Variants in BRAF observed in about 807,000 individuals in gnomAD.
The protein encoded by BRAF is serine/threonine-protein kinase B-raf.
A neutral mutation model predicts 104.6 loss-of-function variants in BRAF; 16 were observed. The observed-to-expected ratio is 0.15, with a 90% confidence interval of 0.10 to 0.23. The LOEUF (loss-of-function observed/expected upper bound fraction) is 0.23, where lower values mean the gene tolerates loss of function less well. Among genes scored for constraint, BRAF ranks in the 10% least tolerant of loss-of-function variants. BRAF has a pLI of 1.00. For missense variants in BRAF, 541 were observed against 937.3 expected, an observed-to-expected ratio of 0.58 and a Z score of 5.52; for synonymous variants, 310 against 341.6, an observed-to-expected ratio of 0.91 and a Z score of 1.02.
intron 14 of BRAF, among the ~76,000 whole-genome samples, chr7:140,765,729 G>A (rs1344108784): frequency 6.6e-6 from 1 of 152,114 alleles, no homozygotes; most frequent in African/African-American, 2.4e-5. Context: ...TCAGAGAAAT[G>A]CAAATCAAAA....
At chr7:140,921,610 G>A (rs545274854) in intron 1 of BRAF, among the ~76,000 whole-genome samples, 1 of 152,048 alleles carries the variant, frequency 6.6e-6, no homozygotes, top group South Asian at 2.1e-4. Context: ...ACTACATAGT[G>A]TTATAAAAGC....
Position 140,721,055 on chromosome 7 carries a change from CTTCT to C in BRAF, c.*5435_*5438del, listed in dbSNP as rs1795299415. 8 of 1,063,656 alleles carry C rather than the reference CTTCT, an allele frequency of 7.5e-6. No homozygotes were observed. Among genetic ancestry groups the C allele is most frequent in the Non-Finnish European group, 8.0e-6 (7 of 878,302 alleles). The allele number at this position is 1,063,656 out of a possible 1,614,324, so 65.9% of individuals were successfully genotyped here. A position where few individuals can be genotyped will look rare whatever the true frequency, so the allele number is the denominator to read the frequency against. On this transcript the variant is annotated 3_prime_UTR_variant, in exon 20 of 20. Transcript: ENST00000644969. ...ACATATTTTAGTTGTTTTCAGAGCA[CTTCT>C]ATCTACAGAATTCTTTAAAAAAAAA...
chr7:140,818,568 C>G (rs1424159021), intron 3 of BRAF, among the ~76,000 whole-genome samples: 1 of 152,136 alleles, frequency 6.6e-6, no homozygotes, highest in Non-Finnish European at 1.5e-5. Context: ...CCGCCTTGGC[C>G]TCCCAAAGTG....
intron 3 of BRAF, among the ~76,000 whole-genome samples, chr7:140,816,629 T>C (rs1254608332): frequency 6.6e-6 from 1 of 152,150 alleles, no homozygotes; most frequent in Non-Finnish European, 1.5e-5. Context: ...AATCAACAGA[T>C]ATTTGTTTAC....
At chr7:140,867,464 G>A (rs1266052689) in intron 1 of BRAF, among the ~76,000 whole-genome samples, 1 of 151,952 alleles carries the variant, frequency 6.6e-6, no homozygotes, top group Non-Finnish European at 1.5e-5. Flanking sequence ...AATGAAGACA[G>A]TGTAATTAAA....
chr7:140,715,462 C>T (rs540115372), downstream of BRAF, among the ~76,000 whole-genome samples: 20 of 152,302 alleles, frequency 1.3e-4, no homozygotes, highest in African/African-American at 4.8e-4. Flanking sequence ...ACCGCCCACT[C>T]CCCAATATCA....
chr7:140,822,026 G>T (rs118082092), intron 3 of BRAF, among the ~76,000 whole-genome samples: 1 of 152,120 alleles, frequency 6.6e-6, no homozygotes, highest in Non-Finnish European at 1.5e-5. Context: ...TACTAGAGCG[G>T]GGAGGGCAAA....
At chr7:140,895,703 T>C (rs975094387) in intron 1 of BRAF, among the ~76,000 whole-genome samples, 3 of 152,254 alleles carry the variant, frequency 2.0e-5, no homozygotes, top group African/African-American at 7.2e-5. Context: ...TGCTGGCTTA[T>C]TTCACTTAAC....
chr7:140,774,477 C>T (rs1800140213), intron 14 of BRAF, among the ~76,000 whole-genome samples: 1 of 152,180 alleles, frequency 6.6e-6, no homozygotes, highest in South Asian at 2.1e-4. Flanking sequence ...CCACCCACCT[C>T]GGCCTCCTAA....
intron 14 of BRAF, among the ~76,000 whole-genome samples, chr7:140,764,386 A>G (rs1586068447): frequency 6.6e-6 from 1 of 150,998 alleles, no homozygotes; most frequent in South Asian, 2.1e-4. Flanking sequence ...GAAAACTGGC[A>G]CAAGACAGGG....
At chr7:140,741,409 T>A (rs368975809) in intron 17 of BRAF, 60 of 152,348 alleles carry the variant, frequency 3.9e-4, no homozygotes, top group African/African-American at 1.4e-3. Flanking sequence ...CTGCTTATAA[T>A]GCCCTCCCTC....
At chr7:140,808,628 C>T (rs1803907128) in intron 4 of BRAF, among the ~76,000 whole-genome samples, 2 of 152,020 alleles carry the variant, frequency 1.3e-5, no homozygotes, top group African/African-American at 4.8e-5. Flanking sequence ...ATAAATCACA[C>T]TCTGAATGGT....
At position 140,723,265 on chromosome 7, in the gene BRAF, G is replaced by A. The variant is rs189861394; in HGVS notation, c.*3229C>T. 88 of 1,055,834 alleles carry A rather than the reference G, an allele frequency of 8.3e-5. No individual in the cohort carries two copies. The highest frequency in any genetic ancestry group is 7.1e-4 in the Admixed American group (13 of 18,368). 65.4% of individuals were successfully genotyped at this position (1,055,834 alleles called of 1,614,324 possible). ...ATCCTGTGATGAAAGTGCTGTCACC[G>A]CACCAAACCAGAAGCTAGGAAATAT... On this transcript the variant is annotated 3_prime_UTR_variant, in exon 20 of 20. Coordinates refer to ENST00000644969, the MANE Select transcript of BRAF (RefSeq NM_001374258.1).
At chr7:140,713,781 T>G in the BRAF span, among the ~76,000 whole-genome samples, 40 of 152,148 alleles carry the variant, frequency 2.6e-4, no homozygotes, top group African/African-American at 9.6e-4. Context: ...TACATATGGG[T>G]TTTTGGTGTG....
At position 140,783,133 on chromosome 7, in the gene BRAF, G is replaced by A. The variant is rs2129026430; in HGVS notation, c.1322C>T (p.Thr441Ile). The A allele has an allele frequency of 6.2e-7, 1 of 1,614,066 alleles. No homozygotes were observed. The highest frequency in any genetic ancestry group is 8.5e-7 in the Non-Finnish European group (1 of 1,179,990). ...TGAGCCAGGTAATGAGGCAGGGGGG[G>A]TAGCAGACAAACCTGTGGTTGATCC... ...FRGSTTGLSA[T>I]PPASLPGSLT... Residue 441 changes from threonine (T) to isoleucine (I), a missense_variant, in exon 11 of 20, where the codon ACC becomes ATC. This residue lies in a region of BRAF where 109 missense variants were observed against 143.9 expected (regional missense o/e 0.76). Coordinates refer to ENST00000644969, the MANE Select transcript of BRAF (RefSeq NM_001374258.1).
In BRAF at chr7:140,884,660, T is replaced by C. The variant is rs567855145; in HGVS notation, c.139-34448A>G. 3.9e-5 allele frequency among the ~76,000 whole-genome samples: 6 copies of C among 151,988 alleles called. No individual in the cohort carries two copies. The East Asian group carries it at 1.2e-3, about 30-fold the overall frequency. Reference sequence around the variant, plus strand: ...ACGTCTGGCTAATTTTTAAATTTTTTTGTAGAGATAGGGTCTTGCTATGTT... The same window carrying C: ...ACGTCTGGCTAATTTTTAAATTTTTCTGTAGAGATAGGGTCTTGCTATGTT... On this transcript the variant is annotated intron_variant, in intron 1 of 19. Transcript: ENST00000644969.
At chr7:140,909,010 A>G (rs1340191392) in intron 1 of BRAF, among the ~76,000 whole-genome samples, 1 of 131,464 alleles carries the variant, frequency 7.6e-6, no homozygotes, top group South Asian at 2.3e-4. Context: ...TTTTTTTTTA[A>G]TACTGTTTCC....
At chr7:140,779,221 T>C (rs865881444) in intron 12 of BRAF, among the ~76,000 whole-genome samples, 1 of 152,132 alleles carries the variant, frequency 6.6e-6, no homozygotes, top group African/African-American at 2.4e-5. Flanking sequence ...TCTAGAGTGC[T>C]AGTAATGTTC....
intron 14 of BRAF, among the ~76,000 whole-genome samples, chr7:140,771,862 G>A (rs926253108): frequency 2.6e-5 from 4 of 152,118 alleles, no homozygotes; most frequent in African/African-American, 9.7e-5. Flanking sequence ...TTTGTGCTCA[G>A]GGTAGAGCCA....
Sources: allele counts gnomAD v4.1 joint callset (sites outside exome capture counted in the v4.1 genomes callset), GRCh38; gene constraint gnomAD v4.1.1; regional missense constraint gnomAD v4.1.1; transcripts MANE v1.5; gene names NCBI Gene and HGNC (gene_info 2026-07-23, HGNC 2026-07-21).